Variants in SMARCB1 observed in about 807,000 individuals in gnomAD.
SMARCB1 encodes the protein SWI/SNF related BAF chromatin remodeling complex subunit B1.
Under a neutral mutation model 49.0 loss-of-function variants are expected in SMARCB1, and 5 were observed. The ratio of observed to expected loss-of-function variants is 0.10; its 90% CI spans 0.05 to 0.21. The LOEUF (loss-of-function observed/expected upper bound fraction) is 0.21, where lower values mean the gene tolerates loss of function less well. Ranked by LOEUF, SMARCB1 falls within the 10% of genes least tolerant of loss-of-function variation. The pLI, the probability that SMARCB1 is intolerant of heterozygous loss-of-function variation, is 1.00. For synonymous variants in SMARCB1, 201 were observed against 200.1 expected (o/e 1.00, Z -0.04); for missense variants, 226 against 509.2 (o/e 0.44, Z 5.35).
rs565887865 is a variant in SMARCB1 at position 23,833,447 on chromosome 22, A to G, written c.987-125A>G. 2.6e-4 allele frequency: 345 copies of G among 1,344,484 alleles called. No individual in the cohort carries two copies. The Middle Eastern group carries it at 8.5e-3, about 33-fold the overall frequency. The allele number at this position is 1,344,484 out of a possible 1,614,324, so 83.3% of individuals were successfully genotyped here. ...GCTCCCTTGAGGTTCAGGTGACTGG[A>G]GCATCCACTGGGTGCCAGCAGTGCT... On this transcript the variant is annotated intron_variant, in intron 7 of 8. Coordinates refer to ENST00000644036, the MANE Select transcript of SMARCB1 (RefSeq NM_003073.5).
chr22:23,835,096 G>A lies in SMARCB1; in HGVS notation c.*916G>A, dbSNP rs2146050535. 1.4e-6 allele frequency: 2 copies of A among 1,397,352 alleles called. No homozygotes were observed. The highest frequency in any genetic ancestry group is 5.4e-5 in the East Asian group (2 of 37,372). 86.6% of individuals were successfully genotyped at this position (1,397,352 alleles called of 1,614,324 possible). A position where few individuals can be genotyped will look rare whatever the true frequency, so the allele number is the denominator to read the frequency against. On this transcript the variant is annotated 3_prime_UTR_variant, in exon 9 of 9. Transcript: ENST00000644036. ...CCAGCTCCTGCCTTACAAGCCAGCT[G>A]TGAGGAATATGGGAATAGCCCTCCC...
At chr22:23,789,895 G>T (rs546059107) in intron 1 of SMARCB1, among the ~76,000 whole-genome samples, 1 of 152,324 alleles carries the variant, frequency 6.6e-6, no homozygotes, top group South Asian at 2.1e-4. Context: ...CATACCCAGT[G>T]CCTCCATGCG....
In SMARCB1 at chr22:23,834,372, A is replaced by ACCCCCCCCCCCCC; in HGVS notation, c.*196_*197insCCCCCCCCCCCCC. The ACCCCCCCCCCCCC allele has an allele frequency of 2.6e-6, 1 of 388,636 alleles. No individual in the cohort carries two copies. Among genetic ancestry groups the ACCCCCCCCCCCCC allele is most frequent in the Non-Finnish European group, 4.6e-6 (1 of 218,294 alleles). The allele number at this position is 388,636 out of a possible 1,614,324, so 24.1% of individuals were successfully genotyped here. A position where few individuals can be genotyped will look rare whatever the true frequency, so the allele number is the denominator to read the frequency against. ...TTGTTGAGCCCCAGTCCTGCCCCCC[A>ACCCCCCCCCCCCC]CCCCACCCTCCCTACCCCTCCCCAG... On this transcript the variant is annotated 3_prime_UTR_variant, in exon 9 of 9. Transcript: ENST00000644036.
In SMARCB1 at chr22:23,834,736, CCA is replaced by C; in HGVS notation, c.*557_*558del. Reference sequence around the variant, plus strand: ...CCCTCAGCCTGTTCTCCTTCCAGACCCAGAGAGCTGAGAAGAGTAGCTGTGAG... The same window carrying C: ...CCCTCAGCCTGTTCTCCTTCCAGACCGAGAGCTGAGAAGAGTAGCTGTGAG... On this transcript the variant is annotated 3_prime_UTR_variant, in exon 9 of 9. Transcript: ENST00000644036. 6.8e-7 allele frequency: 1 copy of C among 1,477,620 alleles called. No individual in the cohort carries two copies. The highest frequency in any genetic ancestry group is 2.3e-5 in the East Asian group (1 of 42,576). 91.5% of individuals were successfully genotyped at this position (1,477,620 alleles called of 1,614,324 possible). A position where few individuals can be genotyped will look rare whatever the true frequency, so the allele number is the denominator to read the frequency against.
At chr22:23,792,745 G>C (rs191219073) in intron 2 of SMARCB1, 1 of 154,930 alleles carries the variant, frequency 6.5e-6, no homozygotes, top group Non-Finnish European at 1.4e-5. Flanking sequence ...TTGATCTGCT[G>C]CTATGACATT....
At position 23,837,227 on chromosome 22, in the gene SMARCB1, G is replaced by GC; in HGVS notation, c.*3052dup. On this transcript the variant is annotated 3_prime_UTR_variant, in exon 9 of 9. Transcript: ENST00000644036. ...CCTAGACCAGCAGAGCCTGCCCCAGGCCCCCATCCACAGCCTGGTGGCCCT... is the reference window on the plus strand; with the variant it reads ...CCTAGACCAGCAGAGCCTGCCCCAGGCCCCCCATCCACAGCCTGGTGGCCCT... The GC allele has an allele frequency of 6.4e-7, 1 of 1,561,514 alleles. No individual in the cohort carries two copies. The highest frequency in any genetic ancestry group is 8.7e-7 in the Non-Finnish European group (1 of 1,150,814).
At chr22:23,797,030 C>T (rs1326713114) in intron 3 of SMARCB1, among the ~76,000 whole-genome samples, 2 of 145,970 alleles carry the variant, frequency 1.4e-5, no homozygotes, top group South Asian at 2.3e-4. Context: ...GACGGAGTCT[C>T]GCTGTCGCCC....
At chr22:23,826,519 G>A (rs1282509197) in intron 7 of SMARCB1, among the ~76,000 whole-genome samples, 1 of 152,026 alleles carries the variant, frequency 6.6e-6, no homozygotes, top group African/African-American at 2.4e-5. Context: ...TGTCCTCTGT[G>A]TTGGGATGGG....
chr22:23,798,456 T>C (rs1244718304), intron 3 of SMARCB1, among the ~76,000 whole-genome samples: 3 of 152,180 alleles, frequency 2.0e-5, no homozygotes, highest in South Asian at 2.1e-4. Flanking sequence ...TTAGGAACTA[T>C]GACCCAGATA....
rs1290731967 is a variant in SMARCB1, at chr22:23,834,692, CCTCAGCTCCT to C, written c.*522_*531del. ...GGGGTGAATGGGGCTCCGGGTAGCA[CCTCAGCTCCT>C]CTCAGCTCCCCTCAGCCTGTTCTCC... On this transcript the variant is annotated 3_prime_UTR_variant, in exon 9 of 9. Transcript: ENST00000644036. The C allele has an allele frequency of 1.5e-5, 19 of 1,270,370 alleles. No homozygotes were observed. The highest frequency in any genetic ancestry group is 1.7e-5 in the Non-Finnish European group (16 of 935,556). 78.7% of individuals were successfully genotyped at this position (1,270,370 alleles called of 1,614,324 possible). A position where few individuals can be genotyped will look rare whatever the true frequency, so the allele number is the denominator to read the frequency against.
In SMARCB1 at chr22:23,837,496, G is replaced by T; in HGVS notation, c.*3316G>T. The T allele has an allele frequency of 1.3e-6, 1 of 758,392 alleles. No homozygotes were observed. The highest frequency in any genetic ancestry group is 2.1e-6 in the Non-Finnish European group (1 of 475,030). The allele number at this position is 758,392 out of a possible 1,614,324, so 47.0% of individuals were successfully genotyped here. On this transcript the variant is annotated 3_prime_UTR_variant, in exon 9 of 9. Coordinates refer to ENST00000644036, the MANE Select transcript of SMARCB1 (RefSeq NM_003073.5). ...GCAAATTATGTGGGCCGGCTGGCTT[G>T]AGGGGCTGTAAGAGCACAGCAGCTG...
At chr22:23,789,289 C>T (rs1001521150) in intron 1 of SMARCB1, among the ~76,000 whole-genome samples, 1 of 152,228 alleles carries the variant, frequency 6.6e-6, no homozygotes. Context: ...GAATGGTCCT[C>T]ATTGGCCAGT....
At chr22:23,816,974 C>A (rs1196293270) in intron 6 of SMARCB1, 38 bp downstream of exon 6, 3 of 1,578,676 alleles carry the variant, frequency 1.9e-6, no homozygotes, top group Non-Finnish European at 2.6e-6. Flanking sequence ...GCCTTCCTGG[C>A]CCTCAGGGTG....
chr22:23,837,104 G>A lies in SMARCB1; in HGVS notation c.*2924G>A, dbSNP rs769929696. 1.2e-6 allele frequency: 2 copies of A among 1,614,012 alleles called. No homozygotes were observed. The highest frequency in any genetic ancestry group is 1.1e-5 in the South Asian group (1 of 91,080). On this transcript the variant is annotated 3_prime_UTR_variant, in exon 9 of 9. Transcript: ENST00000644036. ...TGCAGGAGCCTCTTGCCTCCAGGCT[G>A]GTTGGGGAAGACGTCCTCCAGGAAG...
intron 7 of SMARCB1, among the ~76,000 whole-genome samples, chr22:23,831,548 A>G (rs2030657321): frequency 6.6e-6 from 1 of 152,138 alleles, no homozygotes; most frequent in Non-Finnish European, 1.5e-5. Context: ...CATGCCCCCA[A>G]AACCCAAGGC....
At chr22:23,798,661 G>A (rs1475692770) in intron 3 of SMARCB1, among the ~76,000 whole-genome samples, 2 of 152,114 alleles carry the variant, frequency 1.3e-5, no homozygotes, top group African/African-American at 2.4e-5. Flanking sequence ...CCAGAGTCCA[G>A]GCAGGTCTTG....
chr22:23,830,910 C>A (rs576731241), intron 7 of SMARCB1, among the ~76,000 whole-genome samples: 1 of 152,098 alleles, frequency 6.6e-6, no homozygotes, highest in African/African-American at 2.4e-5. Flanking sequence ...CCGCCCGCCT[C>A]GGCCTCCCAA....
intron 4 of SMARCB1, chr22:23,801,449 C>A: frequency 3.6e-6 from 2 of 551,568 alleles, no homozygotes; most frequent in Non-Finnish European, 6.9e-6. Flanking sequence ...TTCCCAGAGC[C>A]TGCTGGAGTA....
Position 23,837,283 on chromosome 22 carries a change from C to T in SMARCB1, c.*3103C>T. 1 of 1,230,904 alleles carries T rather than the reference C, an allele frequency of 8.1e-7. No homozygotes were observed. 76.2% of individuals were successfully genotyped at this position (1,230,904 alleles called of 1,614,324 possible). A position where few individuals can be genotyped will look rare whatever the true frequency, so the allele number is the denominator to read the frequency against. On this transcript the variant is annotated 3_prime_UTR_variant, in exon 9 of 9. Transcript: ENST00000644036. The stretch of plus-strand genomic sequence containing the variant: ...CCCCACAGCATGAGTGCCCCAAAGC[C>T]TTGCACAGAGTGCCAGCCCCGGGTT...
Sources: allele counts gnomAD v4.1 joint callset (sites outside exome capture counted in the v4.1 genomes callset), GRCh38; gene constraint gnomAD v4.1.1; transcripts MANE v1.5; gene names NCBI Gene and HGNC (gene_info 2026-07-23, HGNC 2026-07-21).